The following SPATS2 variants were observed in gnomAD, a reference collection of about 807,000 sequenced individuals.
SPATS2 encodes the protein spermatogenesis associated serine rich 2, also known as spermatogenesis-associated serine-rich protein 2.
SPATS2 carries 38 observed loss-of-function variants against 63.7 expected under a neutral mutation model. The observed-to-expected ratio is 0.60, with a 90% confidence interval of 0.46 to 0.78. The LOEUF (loss-of-function observed/expected upper bound fraction) is 0.78. Among genes scored for constraint, SPATS2 ranks in the 30% least tolerant of loss-of-function variants. The pLI, the probability that SPATS2 is intolerant of heterozygous loss-of-function variation, is 0.00. For synonymous variants in SPATS2, 207 were observed against 232.9 expected (o/e 0.89, Z 1.01); for missense variants, 588 against 666.2 (o/e 0.88, Z 1.29).
chr12:49,493,414 T>A (rs1045850919), intron 6 of SPATS2, among the ~76,000 whole-genome samples: 43 of 151,386 alleles, frequency 2.8e-4, no homozygotes, highest in African/African-American at 9.7e-4. Flanking sequence ...TTTTTTTTTT[T>A]AATTTGAGAT....
chr12:49,465,143 G>A (rs1945889890), intron 3 of SPATS2, among the ~76,000 whole-genome samples: 1 of 152,146 alleles, frequency 6.6e-6, no homozygotes, highest in African/African-American at 2.4e-5. Context: ...TGTAGTTTGT[G>A]CTGTTATGAA....
intron 2 of SPATS2, among the ~76,000 whole-genome samples, chr12:49,412,433 C>G (rs1437926340): frequency 1.3e-5 from 2 of 152,060 alleles, no homozygotes; most frequent in Non-Finnish European, 2.9e-5. Flanking sequence ...GACTCCTGAC[C>G]TCGGGTGATC....
At chr12:49,515,559 C>T (rs1946824201) in intron 10 of SPATS2, among the ~76,000 whole-genome samples, 1 of 152,144 alleles carries the variant, frequency 6.6e-6, no homozygotes, top group East Asian at 1.9e-4. Flanking sequence ...AGCAGAGATG[C>T]CTTCCACTGT....
intron 2 of SPATS2, among the ~76,000 whole-genome samples, chr12:49,390,942 G>T (rs1209323788): frequency 2.0e-5 from 3 of 152,098 alleles, no homozygotes; most frequent in African/African-American, 7.2e-5. Context: ...TCTCTTCTCT[G>T]GCTGATTTTT....
chr12:49,367,688 G>T (rs1341250984), intron 1 of SPATS2, 101 bp downstream of exon 1: 7 of 315,224 alleles, frequency 2.2e-5, no homozygotes, highest in African/African-American at 1.1e-4. Flanking sequence ...GGGGTAGTTG[G>T]GGGCGGGGGG....
chr12:49,410,747 A>C (rs2137357284), intron 2 of SPATS2, among the ~76,000 whole-genome samples: 1 of 152,276 alleles, frequency 6.6e-6, no homozygotes, highest in Admixed American at 6.5e-5. Flanking sequence ...AGTGGTAAGC[A>C]AAACACCCAT....
intron 2 of SPATS2, among the ~76,000 whole-genome samples, chr12:49,392,749 C>G (rs1363693470): frequency 6.6e-6 from 1 of 151,756 alleles, no homozygotes; most frequent in East Asian, 1.9e-4. Context: ...TATTTCAAAT[C>G]CACAGATAAA....
Position 49,525,986 on chromosome 12 carries a change from C to G in SPATS2, c.1369C>G (p.Gln457Glu). 2 of 1,614,234 alleles carry G rather than the reference C, an allele frequency of 1.2e-6. No individual in the cohort carries two copies. ...NRRGGQGYRP[Q>E]GQKSNDPMNQ... The stretch of plus-strand genomic sequence containing the variant: ...ACGAGGAGGACAGGGCTATAGGCCA[C>G]AAGGCCAAAAGTCCAATGACCCCAT... The change falls in exon 14 of 14, where the codon CAA (glutamine) becomes GAA (glutamate). Residue 457 changes from glutamine (Q) to glutamate (E), a missense_variant. Coordinates refer to ENST00000552918, the MANE Select transcript of SPATS2 (RefSeq NM_023071.4).
intron 2 of SPATS2, among the ~76,000 whole-genome samples, chr12:49,410,585 A>G (rs1360858094): frequency 6.6e-6 from 1 of 152,182 alleles, no homozygotes; most frequent in Non-Finnish European, 1.5e-5. Context: ...AAATCAAGAA[A>G]CTTGTCCAAA....
intron 3 of SPATS2, among the ~76,000 whole-genome samples, chr12:49,469,275 A>G (rs575413157): frequency 6.6e-6 from 1 of 150,682 alleles, no homozygotes; most frequent in Admixed American, 6.6e-5. Context: ...CTATAATCCC[A>G]GCTCCTTGAG....
At chr12:49,509,450 G>T (rs914834421) in intron 9 of SPATS2, among the ~76,000 whole-genome samples, 2 of 151,714 alleles carry the variant, frequency 1.3e-5, no homozygotes, top group African/African-American at 4.8e-5. Flanking sequence ...TGTACTTCTA[G>T]TAGAGACAGG....
chr12:49,432,199 C>T (rs757517816), intron 2 of SPATS2, among the ~76,000 whole-genome samples: 13 of 151,562 alleles, frequency 8.6e-5, no homozygotes, highest in Non-Finnish European at 1.2e-4. Context: ...GGTGGCTGGG[C>T]GTGCTGGCTT....
At chr12:49,466,765 T>C (rs1945923521) in intron 3 of SPATS2, among the ~76,000 whole-genome samples, 1 of 152,214 alleles carries the variant, frequency 6.6e-6, no homozygotes. Flanking sequence ...CAGAATTTTT[T>C]GGGCTATTTT....
At chr12:49,369,529 C>T (rs1416314819) in intron 1 of SPATS2, among the ~76,000 whole-genome samples, 1 of 152,188 alleles carries the variant, frequency 6.6e-6, no homozygotes, top group Non-Finnish European at 1.5e-5. Flanking sequence ...AAAATCTTCA[C>T]TACCTGTTTG....
At chr12:49,515,891 C>G (rs1376859503) in intron 10 of SPATS2, among the ~76,000 whole-genome samples, 1 of 151,708 alleles carries the variant, frequency 6.6e-6, no homozygotes, top group Admixed American at 6.6e-5. Flanking sequence ...CCTGTAATTC[C>G]AGCACTTTGG....
At chr12:49,461,197 AATTC>A in intron 3 of SPATS2, 160 bp downstream of exon 3, 1 of 720,314 alleles carries the variant, frequency 1.4e-6, no homozygotes, top group Non-Finnish European at 2.3e-6. Context: ...TCTGGGAATT[AATTC>A]ATATAACAAT....
In SPATS2 at chr12:49,377,710, A is replaced by G. The variant is rs141315763; in HGVS notation, c.-244+6420A>G. Among the ~76,000 whole-genome samples, 1,341 of 152,316 alleles carry G rather than the reference A, an allele frequency of 8.8e-3. 15 individuals carry two copies. Among genetic ancestry groups the G allele is most frequent in the Non-Finnish European group, 0.012 (847 of 68,038 alleles). On this transcript the variant is annotated intron_variant, in intron 2 of 13. Transcript: ENST00000552918. ...TAATATTTCTATATATAATATGATC[A>G]GGCCAATATTGATAGTATAGTTATT...
chr12:49,441,183 T>G (rs1945412192), intron 2 of SPATS2, among the ~76,000 whole-genome samples: 1 of 152,244 alleles, frequency 6.6e-6, no homozygotes, highest in Non-Finnish European at 1.5e-5. Context: ...TTCTATTTCC[T>G]TCTTACTGCT....
At chr12:49,498,143 A>ATATATATATATAT (rs1307387821) in intron 8 of SPATS2, among the ~76,000 whole-genome samples, 10 of 95,102 alleles carry the variant, frequency 1.1e-4, no homozygotes, top group African/African-American at 4.2e-4. Context: ...AAAAAAAAAA[A>ATATATATATATAT]AAATATATAT....
Sources: allele counts gnomAD v4.1 joint callset (sites outside exome capture counted in the v4.1 genomes callset), GRCh38; gene constraint gnomAD v4.1.1; transcripts MANE v1.5; gene names NCBI Gene and HGNC (gene_info 2026-07-23, HGNC 2026-07-21).